The following TOPAZ1 variants were observed in gnomAD, a reference collection of about 807,000 sequenced individuals.
TOPAZ1 encodes the protein testis and ovary specific TOPAZ 1, also known as protein TOPAZ1.
A neutral mutation model predicts 172.2 loss-of-function variants in TOPAZ1; 66 were observed. The ratio of observed to expected loss-of-function variants is 0.38; its 90% confidence interval spans 0.31 to 0.47. The LOEUF (loss-of-function observed/expected upper bound fraction) is 0.47, where lower values mean the gene tolerates loss of function less well. TOPAZ1 is among the 20% of genes least tolerant of loss of function. The pLI is 0.99. For missense variants in TOPAZ1, 1,822 were observed against 1,972.4 expected (o/e 0.92, Z 1.44); for synonymous variants, 681 against 683.9 (o/e 1.00, Z 0.07).
chr3:44,245,746 AGC>A (rs1191545341), intron 2 of TOPAZ1, among the ~76,000 whole-genome samples: 1 of 151,972 alleles, frequency 6.6e-6, no homozygotes, highest in Non-Finnish European at 1.5e-5. Context: ...TCACTGTGTT[AGC>A]CAGGATGGTC....
chr3:44,248,208 C>G (rs1303479016), intron 2 of TOPAZ1, among the ~76,000 whole-genome samples: 1 of 152,180 alleles, frequency 6.6e-6, no homozygotes, highest in African/African-American at 2.4e-5. Flanking sequence ...CACTGCTCCA[C>G]TTTAAGCTGC....
chr3:44,264,161 C>T (rs1699804117), intron 5 of TOPAZ1, among the ~76,000 whole-genome samples: 1 of 152,220 alleles, frequency 6.6e-6, no homozygotes, highest in African/African-American at 2.4e-5. Flanking sequence ...ATCTTAACCA[C>T]ACCACCCCAT....
rs1222326045 is a variant in TOPAZ1 at position 44,270,657 on chromosome 3, C to T, written c.3247-28C>T. On this transcript the variant is annotated intron_variant, in intron 7 of 19. Transcript: ENST00000309765. ...TATAGTAAGTGCTTTACAGTTAATA[C>T]AGAAAGTGAATCTTTCTAATTTTCT... 3.3e-6 allele frequency: 5 copies of T among 1,519,986 alleles called. No individual in the cohort carries two copies. In the African/African-American group the frequency reaches 4.2e-5, roughly 13 times the overall value. The allele number at this position is 1,519,986 out of a possible 1,614,324, so 94.2% of individuals were successfully genotyped here.
chr3:44,273,031 A>G (rs1699914914), intron 8 of TOPAZ1, among the ~76,000 whole-genome samples: 1 of 152,184 alleles, frequency 6.6e-6, no homozygotes, highest in Admixed American at 6.5e-5. Flanking sequence ...TCCTCTAATG[A>G]GGGACTTACC....
intron 8 of TOPAZ1, among the ~76,000 whole-genome samples, chr3:44,273,589 G>A (rs1481350719): frequency 6.6e-6 from 1 of 152,156 alleles, no homozygotes; most frequent in Non-Finnish European, 1.5e-5. Context: ...ACTTGTCAGT[G>A]TATTTGTCAA....
intron 12 of TOPAZ1, among the ~76,000 whole-genome samples, chr3:44,293,984 T>C (rs1700167787): frequency 6.6e-6 from 1 of 152,242 alleles, no homozygotes. Flanking sequence ...CTCATGCCTG[T>C]AATCCCAGTA....
At chr3:44,329,224 T>C (rs1700636845) in intron 19 of TOPAZ1, among the ~76,000 whole-genome samples, 1 of 152,244 alleles carries the variant, frequency 6.6e-6, no homozygotes, top group Non-Finnish European at 1.5e-5. Flanking sequence ...GTCAGAAATT[T>C]CAGAGAGGTT....
chr3:44,326,542 A>G (rs1169551731), intron 18 of TOPAZ1, among the ~76,000 whole-genome samples: 1 of 152,000 alleles, frequency 6.6e-6, no homozygotes, highest in Non-Finnish European at 1.5e-5. Context: ...ACACATGTAC[A>G]TATGCATTTA....
intron 4 of TOPAZ1, among the ~76,000 whole-genome samples, chr3:44,258,773 A>G (rs974629550): frequency 1.3e-5 from 2 of 152,198 alleles, no homozygotes; most frequent in African/African-American, 4.8e-5. Flanking sequence ...GCTGCTATCT[A>G]TAAACGTTCA....
chr3:44,305,167 C>A lies in TOPAZ1; in HGVS notation c.3885C>A (p.Asp1295Glu). ...NKLEHCKEKG[D>E]WTKLGKLYIN... ...GATAGCATTGTAAAGAAAAAGGTGA[C>A]TGGACCAAATTGGGAAAATTATACA... The change falls in exon 14 of 20, where the codon GAC becomes GAA. Residue 1295 changes from aspartate to glutamate, a missense_variant. Around this residue, in one of 2 missense-constraint regions of TOPAZ1, gnomAD observed 333 missense variants for 481.7 expected, o/e 0.69. Transcript: ENST00000309765. 2 of 1,520,514 alleles carry A rather than the reference C, an allele frequency of 1.3e-6. No individual in the cohort carries two copies. Among genetic ancestry groups the A allele is most frequent in the Non-Finnish European group, 8.8e-7 (1 of 1,136,748 alleles). 94.2% of individuals were successfully genotyped at this position (1,520,514 alleles called of 1,614,324 possible).
chr3:44,242,414 A>G lies in TOPAZ1; in HGVS notation c.346+15A>G, dbSNP rs1348672633. 1 of 1,551,824 alleles carries G rather than the reference A, an allele frequency of 6.4e-7. No homozygotes were observed. The highest frequency in any genetic ancestry group is 1.2e-5 in the South Asian group (1 of 84,020). Reference sequence around the variant, plus strand: ...GGAAAGACACAGTAAGAAAGCATCCACGATCACTTACCTTTAGCCCTTGTA... The same window carrying G: ...GGAAAGACACAGTAAGAAAGCATCCGCGATCACTTACCTTTAGCCCTTGTA... On this transcript the variant is annotated intron_variant, in intron 1 of 19. Coordinates refer to ENST00000309765, the MANE Select transcript of TOPAZ1 (RefSeq NM_001145030.2).
chr3:44,306,359 A>C lies in TOPAZ1; in HGVS notation c.4073A>C (p.Lys1358Thr). The change falls in exon 15 of 20, where the codon AAA (lysine) becomes ACA (threonine). Residue 1358 changes from lysine (K) to threonine (T), a missense_variant. Transcript: ENST00000309765. ...GATCCACAAAACAGTAAAGTAGATA[A>C]AGGTGTACTGGGAAGAATTGGAATC... Reference protein sequence around the residue: ...SKDPQNSKVDKGVLGRIGISA... With the variant: ...SKDPQNSKVDTGVLGRIGISA... 1 of 1,548,870 alleles carries C rather than the reference A, an allele frequency of 6.5e-7. No individual in the cohort carries two copies. The highest frequency in any genetic ancestry group is 8.7e-7 in the Non-Finnish European group (1 of 1,144,842).
intron 4 of TOPAZ1, among the ~76,000 whole-genome samples, chr3:44,261,964 T>C (rs1699780376): frequency 6.6e-6 from 1 of 152,162 alleles, no homozygotes; most frequent in African/African-American, 2.4e-5. Flanking sequence ...AACCTTCTTA[T>C]GACTGAAAAA....
rs1043406052 is a variant in TOPAZ1, at chr3:44,331,667, C to A, written c.4860-125C>A. On this transcript the variant is annotated intron_variant, in intron 19 of 19. Transcript: ENST00000309765. ...CATGATCAAAAAAGTTTGAAAGCCA[C>A]TTTTAGAAGAACATGGTGAGAAGAC... 17 of 854,124 alleles carry A rather than the reference C, an allele frequency of 2.0e-5. No individual in the cohort carries two copies. In the Admixed American group the frequency reaches 3.1e-4, roughly 15 times the overall value. 52.9% of individuals were successfully genotyped at this position (854,124 alleles called of 1,614,324 possible).
At chr3:44,270,898 T>C (rs925700267) in intron 8 of TOPAZ1, 88 bp downstream of exon 8, 9 of 1,249,568 alleles carry the variant, frequency 7.2e-6, no homozygotes, top group Non-Finnish European at 9.7e-6. Flanking sequence ...TGACTCCTAA[T>C]AGCATAGATG....
rs544964034 is a variant in TOPAZ1, at chr3:44,299,517, GTTCAACCAT to G, written c.3798-4496_3798-4488del. ...ACACTGTTGGTGGGACAGTAAACTA[GTTCAACCAT>G]TGTGGAAGTCAGTGTGGCGATTCCT... is the stretch of plus-strand genomic sequence containing the variant. On this transcript the variant is annotated intron_variant, in intron 12 of 19. Coordinates refer to ENST00000309765, the MANE Select transcript of TOPAZ1 (RefSeq NM_001145030.2). Among the ~76,000 whole-genome samples the G allele has an allele frequency of 1.3e-4, 20 of 152,036 alleles. 1 individual carries two copies. The South Asian group carries it at 4.2e-3, about 32-fold the overall frequency.
intron 8 of TOPAZ1, among the ~76,000 whole-genome samples, chr3:44,273,160 C>T (rs1699916328): frequency 6.6e-6 from 1 of 152,216 alleles, no homozygotes; most frequent in Non-Finnish European, 1.5e-5. Flanking sequence ...AAACAGAGCT[C>T]TCTGAACCTC....
intron 12 of TOPAZ1, among the ~76,000 whole-genome samples, chr3:44,291,655 C>T (rs745916066): frequency 7.0e-6 from 1 of 142,786 alleles, no homozygotes; most frequent in Non-Finnish European, 1.5e-5. Context: ...ACAAGTGGTA[C>T]CATAATGTAC....
intron 8 of TOPAZ1, among the ~76,000 whole-genome samples, chr3:44,275,282 A>G (rs1699941165): frequency 6.6e-6 from 1 of 152,028 alleles, no homozygotes; most frequent in Admixed American, 6.5e-5. Flanking sequence ...CTACACTGCT[A>G]TCAAACATTA....
Sources: gnomAD v4.1 joint callset for allele counts (sites outside exome capture counted in the v4.1 genomes callset) on GRCh38, gnomAD v4.1.1 for gene constraint, gnomAD v4.1.1 regional missense constraint, MANE v1.5 for transcripts, NCBI Gene and HGNC (gene_info 2026-07-23, HGNC 2026-07-21) for gene names.